Variants in SLC8A1 observed in about 807,000 individuals in gnomAD.
SLC8A1 encodes solute carrier family 8 member A1, also known as sodium/calcium exchanger 1.
In SLC8A1, 18 loss-of-function variants were observed where a neutral mutation model predicts 68.3. That is an observed-to-expected ratio of 0.26 (90% CI 0.18 to 0.39). SLC8A1 has a LOEUF of 0.39. SLC8A1 is among the 10% of genes least tolerant of loss of function. The pLI is 1.00. For synonymous variants in SLC8A1, 475 were observed against 415.5 expected (o/e 1.14, Z -1.74); for missense variants, 985 against 1,156.7 (o/e 0.85, Z 2.15).
exon 8 of SLC8A1, chr2:40,109,877 C>G (rs1392233604): frequency 6.6e-6 from 1 of 152,106 alleles, no homozygotes; most frequent in African/African-American, 2.4e-5. Flanking sequence ...GCAAGCAAGT[C>G]TTCCTGAAAA....
At chr2:40,239,552 T>C (rs965199654) in intron 2 of SLC8A1, among the ~76,000 whole-genome samples, 2 of 152,054 alleles carry the variant, frequency 1.3e-5, no homozygotes, top group Non-Finnish European at 2.9e-5. Flanking sequence ...GCATTAGGGG[T>C]TGGGTTTCTG....
At chr2:40,373,341 A>G (rs771144355) in intron 2 of SLC8A1, among the ~76,000 whole-genome samples, 20 of 152,244 alleles carry the variant, frequency 1.3e-4, no homozygotes, top group Admixed American at 2.6e-4. Flanking sequence ...CAGCAGAAAC[A>G]TGACTCTTCA....
intron 2 of SLC8A1, among the ~76,000 whole-genome samples, chr2:40,284,317 A>G (rs1308882328): frequency 1.4e-5 from 2 of 147,734 alleles, no homozygotes; most frequent in African/African-American, 4.9e-5. Flanking sequence ...TGTTATAGAT[A>G]TTGACATATA....
chr2:40,351,396 T>C (rs553024156), intron 2 of SLC8A1, among the ~76,000 whole-genome samples: 15 of 152,044 alleles, frequency 9.9e-5, no homozygotes, highest in Non-Finnish European at 1.9e-4. Flanking sequence ...GAGACAGTGT[T>C]TGCAGTGAGA....
chr2:40,325,144 G>A (rs1457206056), intron 2 of SLC8A1, among the ~76,000 whole-genome samples: 1 of 152,050 alleles, frequency 6.6e-6, no homozygotes, highest in Non-Finnish European at 1.5e-5. Flanking sequence ...ATTCCTTATA[G>A]GGAAAACAAC....
intron 4 of SLC8A1, among the ~76,000 whole-genome samples, chr2:40,167,745 A>G (rs1421956818): frequency 6.6e-6 from 1 of 152,170 alleles, no homozygotes; most frequent in East Asian, 1.9e-4. Flanking sequence ...ATAACTCCCT[A>G]TTGATGAGTG....
intron 2 of SLC8A1, among the ~76,000 whole-genome samples, chr2:40,320,289 T>A (rs537029362): frequency 1.3e-5 from 2 of 152,276 alleles, no homozygotes; most frequent in East Asian, 3.9e-4. Flanking sequence ...GATGTTTTCA[T>A]TAAAATATAG....
chr2:40,447,537 C>T (rs1225094190), intron 1 of SLC8A1, among the ~76,000 whole-genome samples: 1 of 150,122 alleles, frequency 6.7e-6, no homozygotes, highest in African/African-American at 2.5e-5. Flanking sequence ...TTCCTGTGTT[C>T]CAGGCCCCCA....
chr2:40,489,453 C>T (rs1705180341), intron 1 of SLC8A1, among the ~76,000 whole-genome samples: 2 of 152,224 alleles, frequency 1.3e-5, no homozygotes, highest in Admixed American at 6.5e-5. Flanking sequence ...CTTTTCTTCC[C>T]ATGGTCACGG....
intron 2 of SLC8A1, among the ~76,000 whole-genome samples, chr2:40,217,683 C>A (rs1558800476): frequency 6.6e-6 from 1 of 152,076 alleles, no homozygotes; most frequent in Non-Finnish European, 1.5e-5. Context: ...GAACCATATT[C>A]AATAGAATAA....
intron 2 of SLC8A1, among the ~76,000 whole-genome samples, chr2:40,396,298 A>G (rs1686871803): frequency 6.6e-6 from 1 of 152,144 alleles, no homozygotes; most frequent in African/African-American, 2.4e-5. Context: ...CAGTAACTTG[A>G]AGAGCGCTGC....
At chr2:40,138,947 T>C (rs2041045585) in intron 7 of SLC8A1, among the ~76,000 whole-genome samples, 1 of 152,242 alleles carries the variant, frequency 6.6e-6, no homozygotes, top group South Asian at 2.1e-4. Flanking sequence ...GTCAAGAGAA[T>C]ATTTTATCAG....
chr2:40,460,521 C>T (rs1703278502), intron 1 of SLC8A1, among the ~76,000 whole-genome samples: 1 of 152,086 alleles, frequency 6.6e-6, no homozygotes, highest in Non-Finnish European at 1.5e-5. Context: ...GAATTAGACA[C>T]TCTCCATGGC....
chr2:40,189,494 T>C (rs1486531184), intron 2 of SLC8A1, among the ~76,000 whole-genome samples: 1 of 152,120 alleles, frequency 6.6e-6, no homozygotes, highest in African/African-American at 2.4e-5. Context: ...ATAATTTTTG[T>C]ATTTTTAGTA....
intron 7 of SLC8A1, among the ~76,000 whole-genome samples, chr2:40,139,041 C>T (rs1341997929): frequency 1.3e-5 from 2 of 152,262 alleles, no homozygotes; most frequent in South Asian, 2.1e-4. Flanking sequence ...ATATAAAAGA[C>T]AGAAATTTGG....
intron 2 of SLC8A1, among the ~76,000 whole-genome samples, chr2:40,228,568 T>C (rs929458474): frequency 7.9e-5 from 12 of 152,176 alleles, no homozygotes; most frequent in African/African-American, 2.4e-4. Flanking sequence ...CAGTCATGTG[T>C]TGGCATCACT....
At chr2:40,499,079 A>C (rs1251414690) in intron 1 of SLC8A1, among the ~76,000 whole-genome samples, 1 of 152,148 alleles carries the variant, frequency 6.6e-6, no homozygotes, top group Non-Finnish European at 1.5e-5. Flanking sequence ...CGAGAGAAAC[A>C]CAAATAATTG....
rs907874659 is a variant in SLC8A1 at position 40,277,794 on chromosome 2, G to GTGTATATATATATA, written c.1809-99940_1809-99939insTATATATATATACA. On this transcript the variant is annotated intron_variant, in intron 2 of 7. Coordinates refer to ENST00000406785, the Ensembl canonical transcript of SLC8A1. ...TATGTATAAATATATATATATGTGT[G>GTGTATATATATATA]TATATATATATATATATATATATAT... Among the ~76,000 whole-genome samples the GTGTATATATATATA allele has an allele frequency of 1.2e-4, 13 of 108,024 alleles. 1 individual carries two copies. In the East Asian group the frequency reaches 1.8e-3, roughly 15 times the overall value. 70.9% of individuals were successfully genotyped at this position (108,024 alleles called of 152,430 possible).
intron 1 of SLC8A1, among the ~76,000 whole-genome samples, chr2:40,475,271 C>A (rs755413213): frequency 6.6e-6 from 1 of 152,052 alleles, no homozygotes; most frequent in African/African-American, 2.4e-5. Flanking sequence ...GTAGCTGGGA[C>A]TACAGGTGCC....
Sources: gnomAD v4.1 joint callset for allele counts (sites outside exome capture counted in the v4.1 genomes callset) on GRCh38, gnomAD v4.1.1 for gene constraint, MANE v1.5 for transcripts, NCBI Gene and HGNC (gene_info 2026-07-23, HGNC 2026-07-21) for gene names.